MDFIC: variants seen among roughly 807,000 people sequenced by gnomAD.
MDFIC encodes MyoD family inhibitor domain containing, also known as myoD family inhibitor domain-containing protein.
A neutral mutation model predicts 23.2 loss-of-function variants in MDFIC; 17 were observed. The ratio of observed to expected loss-of-function variants is 0.73; its 90% confidence interval spans 0.50 to 1.10. MDFIC has a LOEUF of 1.10. Among genes scored for constraint, MDFIC ranks in the 50% least tolerant of loss-of-function variants. The pLI, the probability that MDFIC is intolerant of heterozygous loss-of-function variation, is 0.00. For missense variants in MDFIC, 356 were observed against 316.6 expected (o/e 1.12, Z -0.95); for synonymous variants, 120 against 115.2 (o/e 1.04, Z -0.27).
chr7:114,996,974 C>G, intron 4 of MDFIC, among the ~76,000 whole-genome samples: 1 of 152,052 alleles, frequency 6.6e-6, no homozygotes, highest in East Asian at 1.9e-4. Flanking sequence ...GCTTGGAAAC[C>G]AAATGAAGGA....
At chr7:114,978,001 TATATTA>T (rs1378237594) in intron 3 of MDFIC, among the ~76,000 whole-genome samples, 1 of 148,206 alleles carries the variant, frequency 6.7e-6, no homozygotes, top group Non-Finnish European at 1.5e-5. Context: ...CATTAATATT[TATATTA>T]ATATTATTAT....
intron 4 of MDFIC, among the ~76,000 whole-genome samples, chr7:114,987,109 G>A (rs1793528522): frequency 6.6e-6 from 1 of 152,158 alleles, no homozygotes; most frequent in African/African-American, 2.4e-5. Context: ...AAGAGACCCA[G>A]CAGAGGGAGG....
Position 114,932,526 on chromosome 7 carries a change from G to A in MDFIC, c.94+9399G>A, listed in dbSNP as rs17583841. 7.0e-3 allele frequency among the ~76,000 whole-genome samples: 1,060 copies of A among 152,336 alleles called. 4 individuals carry two copies. The highest frequency in any genetic ancestry group is 0.012 in the Non-Finnish European group (843 of 68,036). ...GAATTTTGGGAAATGTTGAGTCTGAGTTGCTAAAGATATATTTATGTAGAG... is the reference window on the plus strand; with the variant it reads ...GAATTTTGGGAAATGTTGAGTCTGAATTGCTAAAGATATATTTATGTAGAG... On this transcript the variant is annotated intron_variant, in intron 2 of 4. Coordinates refer to ENST00000393486, the MANE Select transcript of MDFIC (RefSeq NM_001166345.3).
At chr7:115,007,630 G>GTATATATA (rs10528546) in intron 4 of MDFIC, among the ~76,000 whole-genome samples, 1,596 of 132,674 alleles carry the variant, frequency 0.012, 10 homozygotes, top group Non-Finnish European at 0.018. Context: ...GCGTGTGTGT[G>GTATATATA]TATATATATA....
chr7:114,967,697 A>C (rs944857183), intron 3 of MDFIC, among the ~76,000 whole-genome samples: 2 of 152,116 alleles, frequency 1.3e-5, no homozygotes, highest in African/African-American at 4.8e-5. Flanking sequence ...ATTTATAATA[A>C]TGTATTTAAG....
At chr7:114,958,276 A>G (rs1792920671) in intron 3 of MDFIC, among the ~76,000 whole-genome samples, 1 of 152,246 alleles carries the variant, frequency 6.6e-6, no homozygotes, top group Admixed American at 6.5e-5. Context: ...GAAACTAATT[A>G]GGATACCACA....
chr7:114,997,038 G>A (rs527304907), intron 4 of MDFIC, among the ~76,000 whole-genome samples: 1 of 152,320 alleles, frequency 6.6e-6, no homozygotes, highest in Admixed American at 6.5e-5. Context: ...GAGAAATCCA[G>A]TAAGATGAAT....
chr7:114,951,915 G>T lies in MDFIC; in HGVS notation c.217+9518G>T, dbSNP rs568824884. Reference sequence around the variant, plus strand: ...GGGCAGTGCAGAATGAGAATGCAGGGTCTCTTGTTAAAATATTATTATGAA... The same window carrying T: ...GGGCAGTGCAGAATGAGAATGCAGGTTCTCTTGTTAAAATATTATTATGAA... On this transcript the variant is annotated intron_variant, in intron 3 of 4. Coordinates refer to ENST00000393486, the MANE Select transcript of MDFIC (RefSeq NM_001166345.3). 2.6e-5 allele frequency among the ~76,000 whole-genome samples: 4 copies of T among 152,186 alleles called. No individual in the cohort carries two copies. In the South Asian group the frequency reaches 8.3e-4, roughly 32 times the overall value.
In MDFIC at chr7:115,019,875, C is replaced by G. The variant is rs1036756231; in HGVS notation, c.*3940C>G. Among the ~76,000 whole-genome samples the G allele has an allele frequency of 6.6e-6, 1 of 151,958 alleles. No individual in the cohort carries two copies. Among genetic ancestry groups the G allele is most frequent in the Non-Finnish European group, 1.5e-5 (1 of 67,986 alleles). On this transcript the variant is annotated 3_prime_UTR_variant, in exon 5 of 5. Coordinates refer to ENST00000393486, the MANE Select transcript of MDFIC (RefSeq NM_001166345.3). ...GGTATTAAAAGAGAATCCTTTCAAC[C>G]CTTCATCTTCGTATGCTTATACAAT...
intron 4 of MDFIC, among the ~76,000 whole-genome samples, chr7:114,996,043 G>C (rs1791320313): frequency 6.6e-6 from 1 of 152,190 alleles, no homozygotes; most frequent in Non-Finnish European, 1.5e-5. Flanking sequence ...GAACTGACCA[G>C]ATAATTAGGT....
At position 114,983,636 on chromosome 7, in the gene MDFIC, C is replaced by T. The variant is rs534524548; in HGVS notation, c.493+3855C>T. 5.1e-5 allele frequency among the ~76,000 whole-genome samples: 7 copies of T among 138,270 alleles called. No homozygotes were observed. In the East Asian group the frequency reaches 1.3e-3, roughly 25 times the overall value. 90.7% of individuals were successfully genotyped at this position (138,270 alleles called of 152,430 possible). The stretch of plus-strand genomic sequence containing the variant: ...AGGCTGGAGTGCGATGGTGCGATCT[C>T]GGCTCAATGCAACCTCTGCCACCCG... On this transcript the variant is annotated intron_variant, in intron 4 of 4. Coordinates refer to ENST00000393486, the MANE Select transcript of MDFIC (RefSeq NM_001166345.3).
Position 114,979,368 on chromosome 7 carries a change from T to C in MDFIC, c.218-138T>C, listed in dbSNP as rs1266782502. The stretch of plus-strand genomic sequence containing the variant: ...CTCTATGTCTATGTTAGTATTTTTC[T>C]TTCTTTTCTTTGTTGCCTCTTCAGT... On this transcript the variant is annotated intron_variant, in intron 3 of 4. Coordinates refer to ENST00000393486, the MANE Select transcript of MDFIC (RefSeq NM_001166345.3). The C allele has an allele frequency of 6.9e-6, 6 of 863,312 alleles. No homozygotes were observed. The African/African-American group carries it at 1.0e-4, about 15-fold the overall frequency. 53.5% of individuals were successfully genotyped at this position (863,312 alleles called of 1,614,324 possible).
At chr7:114,933,387 T>G (rs1792366329) in intron 2 of MDFIC, among the ~76,000 whole-genome samples, 1 of 151,940 alleles carries the variant, frequency 6.6e-6, no homozygotes. Context: ...GCCTCCTGAG[T>G]AGCTGGGATT....
chr7:114,938,120 A>G (rs1022236214), intron 2 of MDFIC, among the ~76,000 whole-genome samples: 1 of 151,716 alleles, frequency 6.6e-6, no homozygotes, highest in African/African-American at 2.4e-5. Flanking sequence ...CCATGCCCAG[A>G]TAATTTTTTG....
chr7:114,970,868 T>C (rs1793191518), intron 3 of MDFIC, among the ~76,000 whole-genome samples: 1 of 152,180 alleles, frequency 6.6e-6, no homozygotes, highest in Non-Finnish European at 1.5e-5. Context: ...CATGTGTGAA[T>C]TGCATAAAGG....
intron 2 of MDFIC, among the ~76,000 whole-genome samples, chr7:114,941,850 C>G (rs886198333): frequency 2.0e-5 from 3 of 152,164 alleles, no homozygotes; most frequent in African/African-American, 7.2e-5. Flanking sequence ...TACTCAGTCA[C>G]TCCTCATTCA....
In MDFIC at chr7:114,923,155, T is replaced by C. The variant is rs1282614404; in HGVS notation, c.94+28T>C. The C allele has an allele frequency of 3.9e-6, 6 of 1,528,562 alleles. No homozygotes were observed. In the Admixed American group the frequency reaches 9.9e-5, roughly 25 times the overall value. The allele number at this position is 1,528,562 out of a possible 1,614,324, so 94.7% of individuals were successfully genotyped here. A position where few individuals can be genotyped will look rare whatever the true frequency, so the allele number is the denominator to read the frequency against. Reference sequence around the variant, plus strand: ...GAGTGCGCGCTTGCAAGTGGCAAGCTTCTTTGTCATTGTTGCATTTTTCAG... The same window carrying C: ...GAGTGCGCGCTTGCAAGTGGCAAGCCTCTTTGTCATTGTTGCATTTTTCAG... On this transcript the variant is annotated intron_variant, in intron 2 of 4. Coordinates refer to ENST00000393486, the MANE Select transcript of MDFIC (RefSeq NM_001166345.3).
Position 114,985,599 on chromosome 7 carries a change from T to G in MDFIC, c.493+5818T>G, listed in dbSNP as rs559006388. ...TTCATCCCCCAGGTATTAAGCCTAGTGCCTACTGGTTATTTTTTTCTGATC... is the reference window on the plus strand; with the variant it reads ...TTCATCCCCCAGGTATTAAGCCTAGGGCCTACTGGTTATTTTTTTCTGATC... On this transcript the variant is annotated intron_variant, in intron 4 of 4. Coordinates refer to ENST00000393486, the MANE Select transcript of MDFIC (RefSeq NM_001166345.3). Among the ~76,000 whole-genome samples, 56 of 152,118 alleles carry G rather than the reference T, an allele frequency of 3.7e-4. No individual in the cohort carries two copies. In the South Asian group the frequency reaches 0.011, roughly 29 times the overall value.
At chr7:114,999,256 G>A (rs1791409156) in intron 4 of MDFIC, among the ~76,000 whole-genome samples, 1 of 152,094 alleles carries the variant, frequency 6.6e-6, no homozygotes, top group Admixed American at 6.6e-5. Context: ...TAGCTTATAT[G>A]TTTGTGAGTT....
Sources: gnomAD v4.1 joint callset for allele counts (sites outside exome capture counted in the v4.1 genomes callset) on GRCh38, gnomAD v4.1.1 for gene constraint, MANE v1.5 for transcripts, NCBI Gene and HGNC (gene_info 2026-07-23, HGNC 2026-07-21) for gene names.